Variants in LTBP3 observed in about 807,000 individuals in gnomAD.
LTBP3 encodes latent transforming growth factor beta binding protein 3, also known as latent-transforming growth factor beta-binding protein 3.
A neutral mutation model predicts 159.7 loss-of-function variants in LTBP3; 97 were observed. That is an observed-to-expected ratio of 0.61 (90% confidence interval 0.52 to 0.72). The LOEUF is 0.72. Ranked by LOEUF, LTBP3 falls within the 30% of genes least tolerant of loss-of-function variation. LTBP3 has a pLI of 0.00. For missense variants in LTBP3, 1,584 were observed against 1,864.3 expected (o/e 0.85, Z 2.77); for synonymous variants, 824 against 777.1 (o/e 1.06, Z -1.00).
At chr11:65,548,542 G>A (rs935857191) in intron 11 of LTBP3, 5 of 198,486 alleles carry the variant, frequency 2.5e-5, no homozygotes, top group Non-Finnish European at 4.2e-5. Flanking sequence ...ACTAGCAGGA[G>A]CTGGTTTCCT....
chr11:65,539,966 T>A (rs1055841750), intron 24 of LTBP3, 47 bp downstream of exon 24: 1 of 1,456,860 alleles, frequency 6.9e-7, no homozygotes, highest in Non-Finnish European at 9.0e-7. Context: ...GGGGGCCACG[T>A]GACGGACAGG....
At position 65,546,408 on chromosome 11, in the gene LTBP3, G is replaced by A; in HGVS notation, c.2353+34C>T. The A allele has an allele frequency of 6.6e-7, 1 of 1,514,368 alleles. No individual in the cohort carries two copies. Among genetic ancestry groups the A allele is most frequent in the South Asian group, 1.2e-5 (1 of 80,156 alleles). 93.8% of individuals were successfully genotyped at this position (1,514,368 alleles called of 1,614,324 possible). On this transcript the variant is annotated intron_variant, in intron 16 of 27. Transcript: ENST00000301873. This position sits in a 1 kb window ranked among gnomAD's most constrained non-coding sequence, Gnocchi z 4.0. ...TCCCCGGCTTCAGCGCGTAGGGGGC[G>A]GCGGAGGCCCGGGGCGGGGGTGCTG...
In LTBP3 at chr11:65,557,834, C is replaced by A. The variant is rs1303569711; in HGVS notation, c.126G>T (p.Glu42Asp). 4.9e-6 allele frequency: 7 copies of A among 1,422,190 alleles called. No individual in the cohort carries two copies. The East Asian group carries it at 1.5e-4, about 30-fold the overall frequency. The allele number at this position is 1,422,190 out of a possible 1,614,324, so 88.1% of individuals were successfully genotyped here. A position where few individuals can be genotyped will look rare whatever the true frequency, so the allele number is the denominator to read the frequency against. Residue 42 changes from glutamate to aspartate, a missense_variant, in exon 1 of 28, where the codon GAG (glutamate) becomes GAT (aspartate). Glu to Asp is a conservative substitution (Grantham distance 45). Coordinates refer to ENST00000301873, the MANE Select transcript of LTBP3 (RefSeq NM_001130144.3). ...CGCCCCGCTCGCCGGCCGGCCCCCC[C>A]TCGACCCTGCCGCCCAGGCCCAGCA... is the stretch of plus-strand genomic sequence containing the variant. ...LLLLGLGGRV[E>D]GGPAGERGAG...
chr11:65,546,636 G>T lies in LTBP3; in HGVS notation c.2231-72C>A. ...GACCGCGCACCTCGCGGGGGTGTGG[G>T]TCTCTTCCCTGGAACGCGGGGTTGA... On this transcript the variant is annotated intron_variant, in intron 15 of 27. Coordinates refer to ENST00000301873, the MANE Select transcript of LTBP3 (RefSeq NM_001130144.3). This position sits in a 1 kb window ranked among gnomAD's most constrained non-coding sequence, Gnocchi z 4.0. 1 of 1,591,202 alleles carries T rather than the reference G, an allele frequency of 6.3e-7. No homozygotes were observed. The highest frequency in any genetic ancestry group is 1.1e-5 in the South Asian group (1 of 90,108).
Position 65,541,504 on chromosome 11 carries a change from C to CA in LTBP3, c.2725+95dup, listed in dbSNP as rs1212161156. ...CCAAAAGAGATTTCTTCCGGTTCCCCAAATTTAGGAGGGTGGGGCCAGGAC... is the reference window on the plus strand; with the variant it reads ...CCAAAAGAGATTTCTTCCGGTTCCCCAAAATTTAGGAGGGTGGGGCCAGGAC... On this transcript the variant is annotated intron_variant, in intron 19 of 27. Coordinates refer to ENST00000301873, the MANE Select transcript of LTBP3 (RefSeq NM_001130144.3). The CA allele has an allele frequency of 7.5e-6, 12 of 1,595,020 alleles. No homozygotes were observed. In the East Asian group the frequency reaches 2.7e-4, roughly 36 times the overall value.
At position 65,539,355 on chromosome 11, in the gene LTBP3, G is replaced by A. The variant is rs1855951630; in HGVS notation, c.3733C>T (p.Leu1245Phe). The A allele has an allele frequency of 6.5e-7, 1 of 1,533,696 alleles. No individual in the cohort carries two copies. Among genetic ancestry groups the A allele is most frequent in the Non-Finnish European group, 8.8e-7 (1 of 1,138,464 alleles). ...AVCECPGGFQ[L>F]DASRARCVDI... ...ACGCAGCGGGCGCGGGAGGCGTCGA[G>A]CTGGAAGCCGCCGGGACACTCGCAC... The change falls in exon 27 of 28, where the codon CTC becomes TTC. Residue 1245 changes from leucine (L) to phenylalanine (F), a missense_variant. This residue lies in a region of LTBP3 where 514 missense variants were observed against 530.3 expected (regional missense o/e 0.97). Transcript: ENST00000301873.
chr11:65,547,386 G>A lies in LTBP3; in HGVS notation c.2107+53C>T. ...ATGCAGGCACCCCAGCCCCACCCCAGGTGGAGAGACAGCTAAGGAGCTCCT... is the reference window on the plus strand; with the variant it reads ...ATGCAGGCACCCCAGCCCCACCCCAAGTGGAGAGACAGCTAAGGAGCTCCT... On this transcript the variant is annotated intron_variant, in intron 14 of 27. Coordinates refer to ENST00000301873, the MANE Select transcript of LTBP3 (RefSeq NM_001130144.3). This position sits in a 1 kb window ranked among gnomAD's most constrained non-coding sequence, Gnocchi z 4.6. 3 of 1,602,536 alleles carry A rather than the reference G, an allele frequency of 1.9e-6. No homozygotes were observed. Among genetic ancestry groups the A allele is most frequent in the Non-Finnish European group, 2.5e-6 (3 of 1,177,196 alleles).
intron 8 of LTBP3, 88 bp from the exon 9 acceptor site, chr11:65,551,652 G>A (rs1404880110): frequency 3.9e-6 from 6 of 1,536,192 alleles, no homozygotes; most frequent in Middle Eastern, 3.4e-4. Context: ...TTGCAGTTAG[G>A]GTCTCTGGGA....
chr11:65,554,257 C>A lies in LTBP3; in HGVS notation c.455G>T (p.Gly152Val), dbSNP rs764634973. ...CCTGCTCAGGCCGGGGCCTGAGCCG[C>A]CGGTACCCCCACCGGCTCCTCCTGC... Reference protein sequence around the residue: ...VPAGGAGGGTGGSGPGLSRTG... With the variant: ...VPAGGAGGGTVGSGPGLSRTG... The change falls in exon 2 of 28, where the codon GGC (glycine) becomes GTC (valine). Residue 152 changes from glycine (G) to valine (V), a missense_variant. Around this residue, in one of 6 missense-constraint regions of LTBP3, gnomAD observed 194 missense variants for 198.7 expected, o/e 0.98. Transcript: ENST00000301873. The surrounding 1 kb of genome is among the most constrained non-coding windows in gnomAD (Gnocchi z 5.3). The A allele has an allele frequency of 3.7e-6, 6 of 1,609,730 alleles. No homozygotes were observed. Among genetic ancestry groups the A allele is most frequent in the South Asian group, 3.3e-5 (3 of 90,956 alleles).
chr11:65,544,620 A>C (rs1408583946), intron 16 of LTBP3: 1 of 152,494 alleles, frequency 6.6e-6, no homozygotes, highest in Non-Finnish European at 1.5e-5. Context: ...TGACTTCCAT[A>C]AAGCCCCTAG....
intron 24 of LTBP3, 29 bp downstream of exon 24, chr11:65,539,984 G>C (rs1856009613): frequency 6.8e-6 from 10 of 1,461,802 alleles, no homozygotes; most frequent in African/African-American, 2.9e-5. Context: ...AGGGCCCCGG[G>C]ATCGGCCAAG....
intron 11 of LTBP3, 54 bp from the exon 12 acceptor site, chr11:65,548,099 T>C: frequency 3.1e-6 from 5 of 1,612,058 alleles, no homozygotes; most frequent in Non-Finnish European, 4.2e-6. Flanking sequence ...CCTTCTGCCA[T>C]ATCCCCAGGG....
chr11:65,538,757 C>A lies in LTBP3; in HGVS notation c.*323G>T. On this transcript the variant is annotated 3_prime_UTR_variant, in exon 28 of 28. Coordinates refer to ENST00000301873, the MANE Select transcript of LTBP3 (RefSeq NM_001130144.3). ...CTGGGAGGCGGCTGGGGTCTGGCGC[C>A]GCCCTGCGCAGCCCGCGCCCACGTC... 1.1e-6 allele frequency: 1 copy of A among 919,754 alleles called. No homozygotes were observed. Among genetic ancestry groups the A allele is most frequent in the Non-Finnish European group, 1.6e-6 (1 of 632,622 alleles). The allele number at this position is 919,754 out of a possible 1,614,324, so 57.0% of individuals were successfully genotyped here. A position where few individuals can be genotyped will look rare whatever the true frequency, so the allele number is the denominator to read the frequency against.
chr11:65,540,936 C>T lies in LTBP3; in HGVS notation c.2912G>A (p.Cys971Tyr), dbSNP rs1335088253. Reference protein sequence around the residue: ...VYSSAEFHSLCPDGKGYTQDN... With the variant: ...VYSSAEFHSLYPDGKGYTQDN... ...CTGGGTGTAGCCCTTTCCGTCTGGGCAGAGGCTGTGGAACTCGGCTGCAGG... is the reference window on the plus strand; with the variant it reads ...CTGGGTGTAGCCCTTTCCGTCTGGGTAGAGGCTGTGGAACTCGGCTGCAGG... The change falls in exon 21 of 28, where the codon TGC becomes TAC. Residue 971 changes from cysteine to tyrosine, a missense_variant. Around this residue, in one of 6 missense-constraint regions of LTBP3, gnomAD observed 514 missense variants for 530.3 expected, o/e 0.97. Coordinates refer to ENST00000301873, the MANE Select transcript of LTBP3 (RefSeq NM_001130144.3). The T allele has an allele frequency of 6.2e-7, 1 of 1,613,522 alleles. No homozygotes were observed. Among genetic ancestry groups the T allele is most frequent in the Non-Finnish European group, 8.5e-7 (1 of 1,179,786 alleles).
rs1365775366 is a variant in LTBP3, at chr11:65,546,490, T to G, written c.2305A>C (p.Thr769Pro). The G allele has an allele frequency of 6.3e-7, 1 of 1,595,914 alleles. No homozygotes were observed. The highest frequency in any genetic ancestry group is 8.5e-7 in the Non-Finnish European group (1 of 1,177,972). ...GCGGGCGCGTAGCCCTGGGCACAGG[T>G]GCAGCGGAAGGAGCCCGGGAGGTTC... The part of the protein sequence containing the change: ...CENLPGSFRC[T>P]CAQGYAPAPD... Residue 769 changes from threonine to proline, a missense_variant, in exon 16 of 28, where the codon ACC becomes CCC. By Grantham distance (38) the Thr-to-Pro change is conservative (BLOSUM62 -1). Around this residue, in one of 6 missense-constraint regions of LTBP3, gnomAD observed 565 missense variants for 677.7 expected, o/e 0.83. Transcript: ENST00000301873. This position sits in a 1 kb window ranked among gnomAD's most constrained non-coding sequence, Gnocchi z 4.0.
chr11:65,538,770 C>G lies in LTBP3; in HGVS notation c.*310G>C. 1.2e-6 allele frequency: 1 copy of G among 866,264 alleles called. No individual in the cohort carries two copies. Among genetic ancestry groups the G allele is most frequent in the Non-Finnish European group, 1.7e-6 (1 of 586,208 alleles). The allele number at this position is 866,264 out of a possible 1,614,324, so 53.7% of individuals were successfully genotyped here. On this transcript the variant is annotated 3_prime_UTR_variant, in exon 28 of 28. Coordinates refer to ENST00000301873, the MANE Select transcript of LTBP3 (RefSeq NM_001130144.3). ...GGGGTCTGGCGCCGCCCTGCGCAGC[C>G]CGCGCCCACGTCAGACGTGAACATC...
At chr11:65,555,366 T>G (rs1856770142) in intron 1 of LTBP3, among the ~76,000 whole-genome samples, 1 of 152,148 alleles carries the variant, frequency 6.6e-6, no homozygotes, top group Non-Finnish European at 1.5e-5. Context: ...GCCTGCCTCC[T>G]GCCTCCTGGC....
rs1199343680 is a variant in LTBP3 at position 65,553,915 on chromosome 11, C to A, written c.662-12G>T. On this transcript the variant is annotated splice_polypyrimidine_tract_variant and intron_variant, in intron 2 of 27. Coordinates refer to ENST00000301873, the MANE Select transcript of LTBP3 (RefSeq NM_001130144.3). This position sits in a 1 kb window ranked among gnomAD's most constrained non-coding sequence, Gnocchi z 6.5. ...GGGCGGGGCCTGCACTGGGGGCGGG[C>A]GCGGTGGCCTCAGGGCTGCCCGCAC... 1.3e-6 allele frequency: 2 copies of A among 1,521,434 alleles called. No individual in the cohort carries two copies. Among genetic ancestry groups the A allele is most frequent in the Admixed American group, 2.0e-5 (1 of 51,102 alleles). 94.2% of individuals were successfully genotyped at this position (1,521,434 alleles called of 1,614,324 possible).
chr11:65,540,472 G>T lies in LTBP3; in HGVS notation c.3106+14C>A, dbSNP rs79476747. The T allele has an allele frequency of 4.4e-3, 7,103 of 1,613,166 alleles. 25 individuals are homozygous for T. The highest frequency in any genetic ancestry group is 5.5e-3 in the Non-Finnish European group (6,481 of 1,179,726). On this transcript the variant is annotated intron_variant, in intron 22 of 27. Coordinates refer to ENST00000301873, the MANE Select transcript of LTBP3 (RefSeq NM_001130144.3). ...CCTGCCGCTTCCCCACGGCCGCCGG[G>T]GGGCGGAGCTCACCCACGCATTCCA...
Sources: gnomAD v4.1 joint callset for allele counts (sites outside exome capture counted in the v4.1 genomes callset) on GRCh38, gnomAD v4.1.1 for gene constraint, gnomAD v4.1.1 regional missense constraint, Gnocchi (gnomAD v3.1) non-coding constraint, MANE v1.5 for transcripts, NCBI Gene and HGNC (gene_info 2026-07-23, HGNC 2026-07-21) for gene names.